SPEF2: variants seen among roughly 807,000 people sequenced by gnomAD.
SPEF2 encodes sperm flagellar and cilia associated 2.
A neutral mutation model predicts 224.6 loss-of-function variants in SPEF2; 187 were observed. That is an observed-to-expected ratio of 0.83 (90% CI 0.74 to 0.94). The LOEUF is 0.94. Ranked by LOEUF, SPEF2 falls within the 40% of genes least tolerant of loss-of-function variation. The pLI is 0.00. For synonymous variants in SPEF2, 715 were observed against 707.3 expected (o/e 1.01, Z -0.17); for missense variants, 2,170 against 2,135.6 (o/e 1.02, Z -0.32).
intron 27 of SPEF2, among the ~76,000 whole-genome samples, chr5:35,772,565 T>C (rs1753010798): frequency 6.6e-6 from 1 of 152,008 alleles, no homozygotes; most frequent in Non-Finnish European, 1.5e-5. Context: ...AGATGCTTCT[T>C]AGATAGAGAA....
intron 23 of SPEF2, among the ~76,000 whole-genome samples, chr5:35,744,010 G>A (rs1235006324): frequency 6.6e-6 from 1 of 152,130 alleles, no homozygotes; most frequent in East Asian, 1.9e-4. Context: ...CCTCATTATG[G>A]TATAAAATCT....
chr5:35,659,091 C>A lies in SPEF2; in HGVS notation c.1051C>A (p.Gln351Lys), dbSNP rs770643839. 22 of 1,611,622 alleles carry A rather than the reference C, an allele frequency of 1.4e-5. No homozygotes were observed. The highest frequency in any genetic ancestry group is 1.9e-5 in the Non-Finnish European group (22 of 1,178,690). ...QSQQERRIAV[Q>K]LMHVRHEKEV... ...CCAGCAGGAGCGCAGGATTGCCGTG[C>A]AGCTCATGCATGTTCGGCATGAAAA... Residue 351 changes from glutamine (Q) to lysine (K), a missense_variant, in exon 8 of 37, where the codon CAG becomes AAG. By Grantham distance (53) the Gln-to-Lys change is moderately conservative. Coordinates refer to ENST00000356031, the MANE Select transcript of SPEF2 (RefSeq NM_024867.4).
chr5:35,786,919 A>C (rs1755223935), intron 30 of SPEF2, among the ~76,000 whole-genome samples: 1 of 152,224 alleles, frequency 6.6e-6, no homozygotes, highest in Non-Finnish European at 1.5e-5. Flanking sequence ...AAAAGAGAAT[A>C]TATGTCATGA....
At position 35,654,599 on chromosome 5, in the gene SPEF2, A is replaced by G. The variant is rs1748701183; in HGVS notation, c.851A>G (p.Tyr284Cys). ...ACAACCACCGATTTGTTAAATACTT[A>G]CTCAGATGACGAGTACATTAAAAAA... Reference protein sequence around the residue: ...GQTTTDLLNTYSDDEYIKKIQ... With the variant: ...GQTTTDLLNTCSDDEYIKKIQ... The change falls in exon 7 of 37, where the codon TAC (tyrosine) becomes TGC (cysteine). Residue 284 changes from tyrosine to cysteine, a missense_variant. Physicochemically the swap from Tyr to Cys is radical, Grantham distance 194. Coordinates refer to ENST00000356031, the MANE Select transcript of SPEF2 (RefSeq NM_024867.4). The G allele has an allele frequency of 2.5e-6, 4 of 1,613,274 alleles. No homozygotes were observed. The highest frequency in any genetic ancestry group is 3.4e-6 in the Non-Finnish European group (4 of 1,179,810).
chr5:35,771,756 G>T lies in SPEF2; in HGVS notation c.3949G>T (p.Gly1317Cys). ...KKKQEDKKPK[G>C]KSPPMAEATP... ...AAAACAGGAAGACAAAAAACCCAAA[G>T]GTATTTATGGTTTTAGCACTCAGAA... is the stretch of plus-strand genomic sequence containing the variant. The change falls in exon 27 of 37, where the codon GGT (glycine) becomes TGT (cysteine). Residue 1317 changes from glycine (G) to cysteine (C), a missense_variant and splice_region_variant. Coordinates refer to ENST00000356031, the MANE Select transcript of SPEF2 (RefSeq NM_024867.4). The T allele has an allele frequency of 6.3e-7, 1 of 1,586,214 alleles. No homozygotes were observed. Among genetic ancestry groups the T allele is most frequent in the Non-Finnish European group, 8.5e-7 (1 of 1,173,040 alleles).
intron 21 of SPEF2, among the ~76,000 whole-genome samples, chr5:35,731,746 G>A (rs1046830039): frequency 6.6e-6 from 1 of 152,146 alleles, no homozygotes; most frequent in South Asian, 2.1e-4. Flanking sequence ...CTTGGCTACT[G>A]AATTCCTACT....
intron 10 of SPEF2, among the ~76,000 whole-genome samples, chr5:35,677,617 G>A (rs1752207944): frequency 6.6e-6 from 1 of 152,194 alleles, no homozygotes; most frequent in South Asian, 2.1e-4. Context: ...GCTTTCCAGG[G>A]ATAGAGAATG....
At chr5:35,787,638 G>A (rs778972063) in intron 30 of SPEF2, among the ~76,000 whole-genome samples, 36 of 152,128 alleles carry the variant, frequency 2.4e-4, no homozygotes, top group Admixed American at 6.5e-4. Flanking sequence ...TCCATGCAAC[G>A]GTGATAATAA....
At chr5:35,791,670 T>C (rs1755980751) in intron 30 of SPEF2, 1 of 152,230 alleles carries the variant, frequency 6.6e-6, no homozygotes, top group East Asian at 1.9e-4. Flanking sequence ...GTGCATGCAA[T>C]TTGAAGTGAA....
intron 26 of SPEF2, among the ~76,000 whole-genome samples, chr5:35,766,334 T>C (rs1752083609): frequency 6.6e-6 from 1 of 152,066 alleles, no homozygotes; most frequent in African/African-American, 2.4e-5. Context: ...CTTTAATAGA[T>C]TATGCAATGT....
intron 10 of SPEF2, chr5:35,671,108 C>T (rs1284744032): frequency 4.1e-6 from 4 of 984,958 alleles, no homozygotes; most frequent in East Asian, 2.2e-4. Context: ...CAAAATGAGT[C>T]CCGGAAGGTC....
chr5:35,770,800 G>A (rs1752727169), intron 26 of SPEF2, among the ~76,000 whole-genome samples: 1 of 152,164 alleles, frequency 6.6e-6, no homozygotes, highest in Admixed American at 6.5e-5. Context: ...CACTTAGAAT[G>A]AGGTGACAGA....
At chr5:35,806,381 A>G (rs1250977659) in intron 34 of SPEF2, among the ~76,000 whole-genome samples, 1 of 152,238 alleles carries the variant, frequency 6.6e-6, no homozygotes, top group African/African-American at 2.4e-5. Context: ...AATCTTGTTT[A>G]AAATCTATAT....
intron 30 of SPEF2, chr5:35,789,146 C>T (rs1476821943): frequency 1.1e-5 from 8 of 702,808 alleles, no homozygotes; most frequent in Admixed American, 1.0e-4. Context: ...TTGTTCCCAA[C>T]CTGTGTTACA....
Position 35,654,578 on chromosome 5 carries a change from C to A in SPEF2, c.830C>A (p.Thr277Asn), listed in dbSNP as rs778681299. 1 of 1,608,194 alleles carries A rather than the reference C, an allele frequency of 6.2e-7. No individual in the cohort carries two copies. Among genetic ancestry groups the A allele is most frequent in the South Asian group, 1.1e-5 (1 of 89,324 alleles). The stretch of plus-strand genomic sequence containing the variant: ...TCTTTAGATACAGCAGGCCAGACAA[C>A]CACCGATTTGTTAAATACTTACTCA... ...KTSLDTAGQT[T>N]TDLLNTYSDD... The change falls in exon 7 of 37, where the codon ACC (threonine) becomes AAC (asparagine). Residue 277 changes from threonine to asparagine, a missense_variant. Transcript: ENST00000356031.
At chr5:35,733,200 C>T (rs953906468) in intron 21 of SPEF2, among the ~76,000 whole-genome samples, 12 of 151,962 alleles carry the variant, frequency 7.9e-5, no homozygotes, top group African/African-American at 2.4e-4. Flanking sequence ...CTGCAAGCAC[C>T]GCCTCCCAGG....
chr5:35,740,606 T>C (rs1320730300), intron 23 of SPEF2, among the ~76,000 whole-genome samples: 1 of 152,138 alleles, frequency 6.6e-6, no homozygotes, highest in African/African-American at 2.4e-5. Context: ...TTGAGCACAG[T>C]TACACATTTT....
chr5:35,650,620 A>G (rs1748054851), intron 6 of SPEF2, among the ~76,000 whole-genome samples: 1 of 152,054 alleles, frequency 6.6e-6, no homozygotes, highest in Non-Finnish European at 1.5e-5. Context: ...GGACCCCTCA[A>G]TTTCCACACA....
At chr5:35,802,525 A>G (rs907666799) in intron 34 of SPEF2, among the ~76,000 whole-genome samples, 1 of 150,188 alleles carries the variant, frequency 6.7e-6, no homozygotes, top group South Asian at 2.1e-4. Flanking sequence ...AATTCTATGG[A>G]AAAAAAAAAG....
Sources: allele counts gnomAD v4.1 joint callset (sites outside exome capture counted in the v4.1 genomes callset), GRCh38; gene constraint gnomAD v4.1.1; transcripts MANE v1.5; gene names NCBI Gene and HGNC (gene_info 2026-07-23, HGNC 2026-07-21).